ATRNL1: variants seen among roughly 807,000 people sequenced by gnomAD.
The protein encoded by ATRNL1 is attractin like 1, also known as attractin-like protein 1.
In ATRNL1, 95 loss-of-function variants were observed where a neutral mutation model predicts 182.7. The ratio of observed to expected loss-of-function variants is 0.52; its 90% CI spans 0.44 to 0.62. The LOEUF (loss-of-function observed/expected upper bound fraction) is 0.62. Among genes scored for constraint, ATRNL1 ranks in the 20% least tolerant of loss-of-function variants. The pLI is 0.00. For synonymous variants in ATRNL1, 576 were observed against 568.3 expected (o/e 1.01, Z -0.19); for missense variants, 1,471 against 1,679.5 (o/e 0.88, Z 2.17).
intron 25 of ATRNL1, among the ~76,000 whole-genome samples, chr10:115,545,512 G>T (rs909822621): frequency 6.6e-6 from 1 of 152,064 alleles, no homozygotes; most frequent in African/African-American, 2.4e-5. Context: ...TTTCAAGAAA[G>T]TGAGATTATG....
At chr10:115,703,997 A>G (rs948515667) in intron 26 of ATRNL1, among the ~76,000 whole-genome samples, 38 of 152,118 alleles carry the variant, frequency 2.5e-4, no homozygotes, top group African/African-American at 8.4e-4. Flanking sequence ...AAAATGAAAT[A>G]GAATCCCAAT....
chr10:115,525,873 G>A (rs1352708139), intron 25 of ATRNL1, among the ~76,000 whole-genome samples: 1 of 152,040 alleles, frequency 6.6e-6, no homozygotes, highest in Non-Finnish European at 1.5e-5. Flanking sequence ...TTTAAATCTG[G>A]TCATACTTCC....
At chr10:115,484,017 A>T (rs1364628428) in intron 24 of ATRNL1, among the ~76,000 whole-genome samples, 3 of 151,492 alleles carry the variant, frequency 2.0e-5, no homozygotes, top group African/African-American at 4.8e-5. Flanking sequence ...AGTTGAATAA[A>T]CCTACACTAG....
intron 19 of ATRNL1, among the ~76,000 whole-genome samples, chr10:115,382,431 T>C (rs1420805086): frequency 1.3e-5 from 2 of 152,062 alleles, no homozygotes; most frequent in South Asian, 4.1e-4. Context: ...GAGAATTTTA[T>C]TTTAATACTA....
intron 13 of ATRNL1, among the ~76,000 whole-genome samples, chr10:115,274,090 T>A (rs1851994396): frequency 6.6e-6 from 1 of 152,140 alleles, no homozygotes; most frequent in Non-Finnish European, 1.5e-5. Context: ...TGCTACAAAA[T>A]CCTAAGGGTC....
At chr10:115,380,032 C>G (rs1346409085) in intron 19 of ATRNL1, among the ~76,000 whole-genome samples, 1 of 151,922 alleles carries the variant, frequency 6.6e-6, no homozygotes, top group Non-Finnish European at 1.5e-5. Context: ...GGGTTTCACC[C>G]TGGTAGCCAG....
intron 26 of ATRNL1, among the ~76,000 whole-genome samples, chr10:115,628,125 C>T (rs1295034231): frequency 2.2e-5 from 3 of 135,478 alleles, no homozygotes; most frequent in Non-Finnish European, 4.7e-5. Context: ...CCAGCCTGGG[C>T]AACAGAGCAA....
At chr10:115,917,473 AAAAAAAAAAAAAG>A (rs1231465304) in intron 28 of ATRNL1, among the ~76,000 whole-genome samples, 1 of 11,384 alleles carries the variant, frequency 8.8e-5, no homozygotes, top group Admixed American at 1.9e-3. Flanking sequence ...CTGTCTCAAA[AAAAAAAAAAAAAG>A]AAAAAAAAAA....
At chr10:115,743,430 T>TGG (rs1948198311) in intron 27 of ATRNL1, among the ~76,000 whole-genome samples, 1 of 151,754 alleles carries the variant, frequency 6.6e-6, no homozygotes. Flanking sequence ...CCTAAAGTGG[T>TGG]AGTTTAACTA....
intron 27 of ATRNL1, among the ~76,000 whole-genome samples, chr10:115,830,248 G>GA (rs1205343411): frequency 1.2e-4 from 18 of 152,068 alleles, no homozygotes; most frequent in Admixed American, 1.0e-3. Flanking sequence ...GAATATGTAG[G>GA]AAAAAAATTA....
At position 115,847,907 on chromosome 10, in the gene ATRNL1, T is replaced by C. The variant is rs1205819871; in HGVS notation, c.3934T>C (p.Cys1312Arg). Residue 1312 changes from cysteine to arginine, a missense_variant, in exon 28 of 29, where the codon TGT becomes CGT. Cys to Arg is a radical substitution (Grantham distance 180). Coordinates refer to ENST00000355044, the MANE Select transcript of ATRNL1 (RefSeq NM_207303.4). ...ACCCAAGCCAATTGCCATTGAACCA[T>C]GTGCTGGGAACAGAGCTGCTGTTCT... Reference protein sequence around the residue: ...GAPKPIAIEPCAGNRAAVLTV... With the variant: ...GAPKPIAIEPRAGNRAAVLTV... 6.2e-7 allele frequency: 1 copy of C among 1,612,630 alleles called. No individual in the cohort carries two copies. Among genetic ancestry groups the C allele is most frequent in the South Asian group, 1.1e-5 (1 of 91,022 alleles).
chr10:115,503,769 T>C (rs1464270204), intron 24 of ATRNL1, among the ~76,000 whole-genome samples: 1 of 151,980 alleles, frequency 6.6e-6, no homozygotes, highest in Admixed American at 6.6e-5. Flanking sequence ...TTCTGGTTTG[T>C]CCTGAACATC....
At chr10:115,582,048 T>C (rs1555007750) in intron 26 of ATRNL1, among the ~76,000 whole-genome samples, 1 of 151,784 alleles carries the variant, frequency 6.6e-6, no homozygotes, top group Non-Finnish European at 1.5e-5. Flanking sequence ...TCCAATTTCA[T>C]CCATATCCCT....
Position 115,462,034 on chromosome 10 carries a change from A to G in ATRNL1, c.3416A>G (p.Gln1139Arg). The G allele has an allele frequency of 6.3e-7, 1 of 1,593,264 alleles. No homozygotes were observed. Among genetic ancestry groups the G allele is most frequent in the South Asian group, 1.1e-5 (1 of 87,828 alleles). Residue 1139 changes from glutamine to arginine, a missense_variant and splice_region_variant, in exon 22 of 29, where the codon CAG becomes CGG. Gln to Arg is a conservative substitution (Grantham distance 43). Coordinates refer to ENST00000355044, the MANE Select transcript of ATRNL1 (RefSeq NM_207303.4). ...TAINFIANPEQSNKNLDISIN... is the reference protein window; with the variant it reads ...TAINFIANPERSNKNLDISIN... Reference sequence around the variant, plus strand: ...ATAAACTTTATAGCAAACCCAGAACAGGTGAGGAAAAATTGTTATCTTTTA... The same window carrying G: ...ATAAACTTTATAGCAAACCCAGAACGGGTGAGGAAAAATTGTTATCTTTTA...
chr10:115,320,681 T>C (rs1292336468), intron 18 of ATRNL1, among the ~76,000 whole-genome samples: 2 of 152,146 alleles, frequency 1.3e-5, no homozygotes, highest in Non-Finnish European at 2.9e-5. Flanking sequence ...CTTCGTCACT[T>C]CGGCTATTGA....
chr10:115,916,640 A>G (rs975292679), intron 28 of ATRNL1, among the ~76,000 whole-genome samples: 2 of 152,212 alleles, frequency 1.3e-5, no homozygotes, highest in African/African-American at 4.8e-5. Context: ...TCCCACGTGC[A>G]TTAGAATTCA....
chr10:115,144,678 G>A (rs1845899829), intron 5 of ATRNL1, among the ~76,000 whole-genome samples: 1 of 152,050 alleles, frequency 6.6e-6, no homozygotes, highest in Admixed American at 6.5e-5. Flanking sequence ...AGTTATCTTG[G>A]GAAAGTCAAT....
At chr10:115,893,471 A>G (rs1555111747) in intron 28 of ATRNL1, among the ~76,000 whole-genome samples, 1 of 152,346 alleles carries the variant, frequency 6.6e-6, no homozygotes, top group East Asian at 1.9e-4. Flanking sequence ...TATAAAACTG[A>G]AATAATATAT....
At chr10:115,442,425 C>A (rs903636468) in intron 21 of ATRNL1, among the ~76,000 whole-genome samples, 1 of 151,856 alleles carries the variant, frequency 6.6e-6, no homozygotes, top group East Asian at 1.9e-4. Flanking sequence ...GATGTTGTTT[C>A]CTTTTGTGTG....
Sources: allele counts gnomAD v4.1 joint callset (sites outside exome capture counted in the v4.1 genomes callset), GRCh38; gene constraint gnomAD v4.1.1; transcripts MANE v1.5; gene names NCBI Gene and HGNC (gene_info 2026-07-23, HGNC 2026-07-21).